Variants in CLCN7 observed in about 807,000 individuals in gnomAD.
CLCN7 encodes the protein Cl-/H+ antiporter 7, also known as H(+)/Cl(-) exchange transporter 7.
CLCN7 carries 60 observed loss-of-function variants against 102.1 expected under a neutral mutation model. The observed-to-expected ratio is 0.59, with a 90% CI of 0.48 to 0.73. The LOEUF (loss-of-function observed/expected upper bound fraction) is 0.73, where lower values mean the gene tolerates loss of function less well. Ranked by LOEUF, CLCN7 falls within the 30% of genes least tolerant of loss-of-function variation. The pLI is 0.00. For missense variants in CLCN7, 962 were observed against 1,125.7 expected (o/e 0.85, Z 2.08); for synonymous variants, 560 against 490.5 (o/e 1.14, Z -1.87).
At position 1,449,253 on chromosome 16, in the gene CLCN7, A is replaced by G. The variant is rs755146243; in HGVS notation, c.1669+23T>C. ...CCAGACCCCGTGGAGCTCCCCACCC[A>G]TCGGGCAAGAGCTGGGACATACCCA... On this transcript the variant is annotated intron_variant, in intron 18 of 24. Transcript: ENST00000382745. The G allele has an allele frequency of 5.7e-6, 9 of 1,577,048 alleles. No homozygotes were observed. In the Admixed American group the frequency reaches 1.3e-4, roughly 23 times the overall value.
At position 1,451,604 on chromosome 16, in the gene CLCN7, C is replaced by T. The variant is rs376501710; in HGVS notation, c.1447+19G>A. 39 of 1,603,512 alleles carry T rather than the reference C, an allele frequency of 2.4e-5. No homozygotes were observed. The East Asian group carries it at 5.1e-4, about 21-fold the overall frequency. ...GGCCCTGATCCCAGGGCCTGCCCAG[C>T]GGCACTGCCCACACACACCTGGCGG... On this transcript the variant is annotated intron_variant, in intron 16 of 24. Transcript: ENST00000382745.
intron 17 of CLCN7, chr16:1,449,639 G>C: frequency 6.8e-6 from 3 of 441,644 alleles, no homozygotes; most frequent in Non-Finnish European, 1.2e-5. Flanking sequence ...GTGAAACCCC[G>C]GCACACACGA....
rs751751949 is a variant in CLCN7, at chr16:1,446,377, A to G, written c.*254T>C. 20 of 702,328 alleles carry G rather than the reference A, an allele frequency of 2.8e-5. No individual in the cohort carries two copies. The highest frequency in any genetic ancestry group is 2.5e-4 in the South Asian group (17 of 67,602). The allele number at this position is 702,328 out of a possible 1,614,324, so 43.5% of individuals were successfully genotyped here. On this transcript the variant is annotated 3_prime_UTR_variant, in exon 25 of 25. Coordinates refer to ENST00000382745, the MANE Select transcript of CLCN7 (RefSeq NM_001287.6). The stretch of plus-strand genomic sequence containing the variant: ...ACACACACAGCTGATCCCTGGAGGT[A>G]AAGAAACCTAGACGAGGAGAGTGGA...
At chr16:1,453,736 G>A in intron 14 of CLCN7, 98 bp downstream of exon 14, 1 of 1,140,562 alleles carries the variant, frequency 8.8e-7, no homozygotes, top group Non-Finnish European at 1.3e-6. Context: ...TCTTTCGGCT[G>A]TGGCCTAGGA....
At chr16:1,452,642 C>G (rs2038769371) in intron 15 of CLCN7, 113 bp downstream of exon 15, 1 of 1,174,424 alleles carries the variant, frequency 8.5e-7, no homozygotes. Context: ...AGCCCATGCG[C>G]TTCTGGAACT....
At chr16:1,456,960 C>A (rs1184772589) in intron 9 of CLCN7, among the ~76,000 whole-genome samples, 1 of 152,040 alleles carries the variant, frequency 6.6e-6, no homozygotes, top group Non-Finnish European at 1.5e-5. Context: ...CAGGTGGGCA[C>A]ACTTGGTCTC....
Position 1,460,372 on chromosome 16 carries a change from C to T in CLCN7, c.594+46G>A, listed in dbSNP as rs111975963. ...GTTCCCGCCCATTCACCAAGACCCC[C>T]AATCCTTCATGGGGTCCGCCATAGC... On this transcript the variant is annotated intron_variant, in intron 6 of 24. Transcript: ENST00000382745. 1.8e-5 allele frequency: 26 copies of T among 1,408,978 alleles called. No homozygotes were observed. In the South Asian group the frequency reaches 2.8e-4, roughly 15 times the overall value. 87.3% of individuals were successfully genotyped at this position (1,408,978 alleles called of 1,614,324 possible).
chr16:1,456,389 C>T (rs151315140), intron 9 of CLCN7, among the ~76,000 whole-genome samples, 183 bp from the exon 10 acceptor site: 99 of 152,326 alleles, frequency 6.5e-4, no homozygotes, highest in Middle Eastern at 3.4e-3. Flanking sequence ...AGGGTCAGCA[C>T]CACCACCGGC....
At chr16:1,467,266 G>A (rs1483444108) in intron 1 of CLCN7, among the ~76,000 whole-genome samples, 1 of 152,206 alleles carries the variant, frequency 6.6e-6, no homozygotes, top group Non-Finnish European at 1.5e-5. Flanking sequence ...TGTGGGAGGG[G>A]CTAGAGTGCA....
At chr16:1,455,692 T>C in intron 11 of CLCN7, 39 bp downstream of exon 11, 2 of 1,605,212 alleles carry the variant, frequency 1.2e-6, no homozygotes, top group East Asian at 2.2e-5. Flanking sequence ...GAGCGCAGCA[T>C]GCACCCTGAT....
chr16:1,448,974 A>T lies in CLCN7; in HGVS notation c.1789T>A (p.Phe597Ile). 1.2e-6 allele frequency: 2 copies of T among 1,612,632 alleles called. No individual in the cohort carries two copies. The highest frequency in any genetic ancestry group is 1.7e-6 in the Non-Finnish European group (2 of 1,179,988). The change falls in exon 19 of 25, where the codon TTC becomes ATC. Residue 597 changes from phenylalanine (F) to isoleucine (I), a missense_variant. Physicochemically the swap from Phe to Ile is conservative, Grantham distance 21 (BLOSUM62 0). This residue lies in a region of CLCN7 where 799 missense variants were observed against 988.0 expected (regional missense o/e 0.81). Coordinates refer to ENST00000382745, the MANE Select transcript of CLCN7 (RefSeq NM_001287.6). ...LMTAKIVGDV[F>I]IEGLYDMHIQ... ...TCGAGGCCCTGGCGCACCTCAATGA[A>T]GACGTCGCCCACGATCTTGGCGGTC...
chr16:1,461,803 C>T (rs371114919), intron 2 of CLCN7, 129 bp from the exon 3 acceptor site: 1 of 825,006 alleles, frequency 1.2e-6, no homozygotes, highest in Non-Finnish European at 2.0e-6. Flanking sequence ...GAGAACTGCA[C>T]ATGGGGCGCG....
rs1177824805 is a variant in CLCN7, at chr16:1,452,888, A to C, written c.1220T>G (p.Ile407Ser). The C allele has an allele frequency of 6.4e-7, 1 of 1,566,752 alleles. No individual in the cohort carries two copies. The highest frequency in any genetic ancestry group is 8.6e-7 in the Non-Finnish European group (1 of 1,156,140). The change falls in exon 15 of 25, where the codon ATC (isoleucine) becomes AGC (serine). Residue 407 changes from isoleucine to serine, a missense_variant. By Grantham distance (142) the Ile-to-Ser change is moderately radical. Coordinates refer to ENST00000382745, the MANE Select transcript of CLCN7 (RefSeq NM_001287.6). ...YWLTMFRIRYIHRPCLQVIEA... is the reference protein window; with the variant it reads ...YWLTMFRIRYSHRPCLQVIEA... ...AATCACCTGCAGGCAGGGCCGGTGGATGTACCTGGAACCAAGAATCAGGCT... is the reference window on the plus strand; with the variant it reads ...AATCACCTGCAGGCAGGGCCGGTGGCTGTACCTGGAACCAAGAATCAGGCT...
At chr16:1,450,783 C>G in intron 16 of CLCN7, 117 bp from the exon 17 acceptor site, 1 of 963,432 alleles carries the variant, frequency 1.0e-6, no homozygotes, top group South Asian at 1.7e-5. Context: ...GCAACCTGAG[C>G]TCCCGAGCCC....
At chr16:1,461,026 G>T (rs2142389231) in intron 4 of CLCN7, 78 bp from the exon 5 acceptor site, 6 of 1,544,048 alleles carry the variant, frequency 3.9e-6, no homozygotes, top group East Asian at 2.4e-5. Context: ...CGCCCAGACC[G>T]CCTGCAGGCC....
At chr16:1,449,935 G>A (rs2038717307) in intron 17 of CLCN7, 1 of 177,740 alleles carries the variant, frequency 5.6e-6, no homozygotes, top group Admixed American at 5.4e-5. Flanking sequence ...CTGGGGAGCA[G>A]GAGTGGGCGC....
At position 1,461,651 on chromosome 16, in the gene CLCN7, G is replaced by A; in HGVS notation, c.237C>T (p.Phe79=). 6.2e-7 allele frequency: 1 copy of A among 1,614,138 alleles called. No individual in the cohort carries two copies. The highest frequency in any genetic ancestry group is 2.2e-5 in the East Asian group (1 of 44,886). ...TCTCGTTGTGTGGGATCTCCTTGGG[G>A]AAGGGATGTGGAGGGTCCATATCCT... ...LDPDMDPPHP[F]PKEIPHNEKL... The change falls in exon 3 of 25, where the codon TTC becomes TTT. Residue 79 remains phenylalanine (F), a synonymous_variant. Coordinates refer to ENST00000382745, the MANE Select transcript of CLCN7 (RefSeq NM_001287.6).
rs542386664 is a variant in CLCN7 at position 1,446,088 on chromosome 16, G to A, written c.*543C>T. On this transcript the variant is annotated 3_prime_UTR_variant, in exon 25 of 25. Coordinates refer to ENST00000382745, the MANE Select transcript of CLCN7 (RefSeq NM_001287.6). ...TGTGAAGCTGCTCTCCGGGGCGGTCGCAGCCTCCAAACCCTGGTGCTACGA... is the reference window on the plus strand; with the variant it reads ...TGTGAAGCTGCTCTCCGGGGCGGTCACAGCCTCCAAACCCTGGTGCTACGA... 2.4e-4 allele frequency: 142 copies of A among 588,826 alleles called. No individual in the cohort carries two copies. Among genetic ancestry groups the A allele is most frequent in the Non-Finnish European group, 3.6e-4 (120 of 331,980 alleles). 36.5% of individuals were successfully genotyped at this position (588,826 alleles called of 1,614,324 possible). A position where few individuals can be genotyped will look rare whatever the true frequency, so the allele number is the denominator to read the frequency against.
At position 1,452,829 on chromosome 16, in the gene CLCN7, C is replaced by T; in HGVS notation, c.1279G>A (p.Val427Ile). The T allele has an allele frequency of 1.3e-6, 2 of 1,599,172 alleles. No individual in the cohort carries two copies. The highest frequency in any genetic ancestry group is 1.7e-6 in the Non-Finnish European group (2 of 1,173,252). Residue 427 changes from valine to isoleucine, a missense_variant, in exon 15 of 25, where the codon GTT becomes ATT. Physicochemically the swap from Val to Ile is conservative, Grantham distance 29. Around this residue, in one of 2 missense-constraint regions of CLCN7, gnomAD observed 799 missense variants for 988.0 expected, o/e 0.81. Coordinates refer to ENST00000382745, the MANE Select transcript of CLCN7 (RefSeq NM_001287.6). The part of the protein sequence containing the change: ...AVLVAAVTAT[V>I]AFVLIYSSRD... ...GACGAGTAGATCAGCACGAAGGCAA[C>T]TGTGGCCGTGACGGCGGCCACCAGC...
Sources: allele counts gnomAD v4.1 joint callset (sites outside exome capture counted in the v4.1 genomes callset), GRCh38; gene constraint gnomAD v4.1.1; regional missense constraint gnomAD v4.1.1; transcripts MANE v1.5; gene names NCBI Gene and HGNC (gene_info 2026-07-23, HGNC 2026-07-21).